The following FBN2 variants were observed in gnomAD, a reference collection of about 807,000 sequenced individuals.
The protein encoded by FBN2 is fibrillin-2.
In FBN2, 105 loss-of-function variants were observed where a neutral mutation model predicts 355.6. That is an observed-to-expected ratio of 0.30 (90% CI 0.25 to 0.35). The LOEUF (loss-of-function observed/expected upper bound fraction) is 0.35. FBN2 is among the 10% of genes least tolerant of loss of function. The pLI is 1.00. For missense variants in FBN2, 3,280 were observed against 3,758.7 expected (o/e 0.87, Z 3.33); for synonymous variants, 1,350 against 1,301.2 (o/e 1.04, Z -0.81).
chr5:128,468,984 T>C (rs1458894186), intron 5 of FBN2, among the ~76,000 whole-genome samples: 1 of 152,082 alleles, frequency 6.6e-6, no homozygotes, highest in Non-Finnish European at 1.5e-5. Flanking sequence ...GAACCTGGAG[T>C]GTTCTCTTAA....
intron 6 of FBN2, among the ~76,000 whole-genome samples, chr5:128,448,645 G>C (rs1754140152): frequency 6.6e-6 from 1 of 151,964 alleles, no homozygotes; most frequent in Non-Finnish European, 1.5e-5. Flanking sequence ...TATTGTAAAG[G>C]AATATTGTAA....
rs1749968518 is a variant in FBN2, at chr5:128,309,295, C to T, written c.5305G>A (p.Gly1769Ser). 1.2e-6 allele frequency: 2 copies of T among 1,614,134 alleles called. No homozygotes were observed. The highest frequency in any genetic ancestry group is 2.2e-5 in the East Asian group (1 of 44,888). The change falls in exon 41 of 65, where the codon GGC becomes AGC. Residue 1769 changes from glycine (G) to serine (S), a missense_variant. Physicochemically the swap from Gly to Ser is moderately conservative, Grantham distance 56. Transcript: ENST00000262464. ...TCACAAGGTTTGTTCCAGGCTTTGCCCACATTATATGTGCAGCAGCACATC... is the reference window on the plus strand; with the variant it reads ...TCACAAGGTTTGTTCCAGGCTTTGCTCACATTATATGTGCAGCAGCACATC... ...KRMCCCTYNV[G>S]KAWNKPCEPC...
At chr5:128,423,021 G>A (rs538506845) in intron 7 of FBN2, among the ~76,000 whole-genome samples, 18 of 152,296 alleles carry the variant, frequency 1.2e-4, no homozygotes, top group South Asian at 4.1e-4. Flanking sequence ...TCCAGAAGCC[G>A]TCAGTGGTGG....
chr5:128,424,477 A>G (rs927561268), intron 7 of FBN2, among the ~76,000 whole-genome samples: 4 of 152,204 alleles, frequency 2.6e-5, no homozygotes, highest in Non-Finnish European at 5.9e-5. Context: ...GAAAACAACA[A>G]GGGTTATGCA....
intron 16 of FBN2, among the ~76,000 whole-genome samples, chr5:128,367,669 A>G (rs906323647): frequency 2.6e-5 from 4 of 151,890 alleles, no homozygotes; most frequent in Admixed American, 2.6e-4. Flanking sequence ...GTTATCAACA[A>G]TAATTATTAT....
intron 36 of FBN2, among the ~76,000 whole-genome samples, chr5:128,316,289 G>A (rs1342703656): frequency 2.0e-5 from 3 of 152,080 alleles, no homozygotes; most frequent in Non-Finnish European, 2.9e-5. Flanking sequence ...GTATCCATTG[G>A]ACATAATGTT....
chr5:128,530,103 T>G (rs562109607), intron 3 of FBN2, among the ~76,000 whole-genome samples: 1 of 152,318 alleles, frequency 6.6e-6, no homozygotes, highest in South Asian at 2.1e-4. Context: ...AAGATTAATC[T>G]TCGACCTTAA....
At chr5:128,399,524 A>G (rs1752740204) in intron 8 of FBN2, among the ~76,000 whole-genome samples, 1 of 152,186 alleles carries the variant, frequency 6.6e-6, no homozygotes, top group Admixed American at 6.5e-5. Flanking sequence ...TTCAGGCAAA[A>G]GAAAAAGATC....
intron 34 of FBN2, among the ~76,000 whole-genome samples, chr5:128,325,404 T>A (rs1009196849): frequency 6.6e-6 from 1 of 152,254 alleles, no homozygotes; most frequent in African/African-American, 2.4e-5. Flanking sequence ...TTAAAGTCTG[T>A]CTTATCAGAG....
rs183125590 is a variant in FBN2 at position 128,350,804 on chromosome 5, A to T, written c.2812+64T>A. 4.7e-4 allele frequency: 734 copies of T among 1,575,846 alleles called. 4 individuals carry two copies. The highest frequency in any genetic ancestry group is 2.4e-3 in the Middle Eastern group (14 of 5,766). On this transcript the variant is annotated intron_variant, in intron 21 of 64. Transcript: ENST00000262464. ...TCACTAAGGAACTGCGTAGTGAAAG[A>T]GGTGTCCTAGTGGCAGGAGAAGTTT...
chr5:128,294,561 T>A (rs1749440998), intron 48 of FBN2, among the ~76,000 whole-genome samples: 1 of 149,610 alleles, frequency 6.7e-6, no homozygotes. Flanking sequence ...CTCATTGTGG[T>A]TTTGATTTGC....
At chr5:128,358,322 C>T (rs1244415663) in intron 19 of FBN2, among the ~76,000 whole-genome samples, 1 of 152,074 alleles carries the variant, frequency 6.6e-6, no homozygotes, top group African/African-American at 2.4e-5. Context: ...TCCTTCTCTA[C>T]TAAATTATCT....
At chr5:128,290,000 A>T (rs1304071914) in intron 50 of FBN2, 53 bp from the exon 51 acceptor site, 5 of 1,032,062 alleles carry the variant, frequency 4.8e-6, no homozygotes, top group Non-Finnish European at 7.7e-6. Flanking sequence ...ATTATCAAAG[A>T]ACTTAAGAAA....
At chr5:128,291,375 C>T (rs1749317245) in intron 49 of FBN2, among the ~76,000 whole-genome samples, 154 bp downstream of exon 49, 2 of 151,998 alleles carry the variant, frequency 1.3e-5, no homozygotes, top group African/African-American at 4.8e-5. Context: ...AAAAATTGTT[C>T]ATTGCTTATG....
At chr5:128,474,045 G>T (rs924033332) in intron 5 of FBN2, among the ~76,000 whole-genome samples, 1 of 152,168 alleles carries the variant, frequency 6.6e-6, no homozygotes, top group Admixed American at 6.6e-5. Context: ...CGATAATTAG[G>T]TGCTGGCCAG....
intron 5 of FBN2, among the ~76,000 whole-genome samples, chr5:128,498,631 A>G (rs1490711105): frequency 1.3e-5 from 2 of 152,198 alleles, no homozygotes; most frequent in Non-Finnish European, 2.9e-5. Context: ...AATAAACTAT[A>G]CTTATTTATA....
Position 128,278,782 on chromosome 5 carries a change from T to C in FBN2, c.7198A>G (p.Ser2400Gly). The change falls in exon 57 of 65, where the codon AGT (serine) becomes GGT (glycine). Residue 2400 changes from serine to glycine, a missense_variant. Transcript: ENST00000262464. The part of the protein sequence containing the change: ...VLQTICQMAS[S>G]SRNLVTKSEC... ...GACTTAGTGACGAGATTGCGACTACTGGATGCCATTTGACATATTGTCTGC... is the reference window on the plus strand; with the variant it reads ...GACTTAGTGACGAGATTGCGACTACCGGATGCCATTTGACATATTGTCTGC... The C allele has an allele frequency of 1.2e-6, 2 of 1,614,126 alleles. No homozygotes were observed. Among genetic ancestry groups the C allele is most frequent in the Non-Finnish European group, 8.5e-7 (1 of 1,179,996 alleles).
chr5:128,469,372 T>C (rs1411194448), intron 5 of FBN2, among the ~76,000 whole-genome samples: 1 of 151,880 alleles, frequency 6.6e-6, no homozygotes, highest in Middle Eastern at 3.4e-3. Context: ...CTATTAAAAA[T>C]ACAAAAAAAT....
chr5:128,277,900 A>T lies in FBN2; in HGVS notation c.7451T>A (p.Ile2484Asn). 6.2e-7 allele frequency: 1 copy of T among 1,614,162 alleles called. No individual in the cohort carries two copies. Among genetic ancestry groups the T allele is most frequent in the African/African-American group, 1.3e-5 (1 of 75,060 alleles). ...GTTACCTATACAAGAGGTTCCACTG[A>T]TGTCTGTGGTGTAGCCAACCTTGCA... The part of the protein sequence containing the change: ...CFCKVGYTTD[I>N]SGTSCIDLDE... Residue 2484 changes from isoleucine (I) to asparagine (N), a missense_variant, in exon 58 of 65, where the codon ATC becomes AAC. Coordinates refer to ENST00000262464, the MANE Select transcript of FBN2 (RefSeq NM_001999.4).
Sources: allele counts gnomAD v4.1 joint callset (sites outside exome capture counted in the v4.1 genomes callset), GRCh38; gene constraint gnomAD v4.1.1; transcripts MANE v1.5; gene names NCBI Gene and HGNC (gene_info 2026-07-23, HGNC 2026-07-21).